The following PLD2 variants were observed in gnomAD, a reference collection of about 807,000 sequenced individuals.
The protein encoded by PLD2 is phospholipase D2.
A neutral mutation model predicts 119.8 loss-of-function variants in PLD2; 101 were observed. The ratio of observed to expected loss-of-function variants is 0.84; its 90% CI spans 0.72 to 0.99. PLD2 has a LOEUF of 0.99. Ranked by LOEUF, PLD2 falls within the 50% of genes least tolerant of loss-of-function variation. The pLI, the probability that PLD2 is intolerant of heterozygous loss-of-function variation, is 0.00. For synonymous variants in PLD2, 494 were observed against 482.8 expected (o/e 1.02, Z -0.30); for missense variants, 1,164 against 1,226.8 (o/e 0.95, Z 0.76).
intron 10 of PLD2, among the ~76,000 whole-genome samples, chr17:4,813,547 G>T (rs1906674676): frequency 6.6e-6 from 1 of 152,162 alleles, no homozygotes; most frequent in Admixed American, 6.5e-5. Context: ...TGATATTAAA[G>T]GGTATATGCA....
rs908320553 is a variant in PLD2, at chr17:4,819,084, T to G, written c.2174T>G (p.Met725Arg). ...YSILHRLKAAMGTAWRDYISI... is the reference protein window; with the variant it reads ...YSILHRLKAARGTAWRDYISI... ...CCTCACTTCCCCTCCTGTCACGCAG[T>G]GGGGACAGCATGGCGGGACTATATT... Residue 725 changes from methionine (M) to arginine (R), a missense_variant and splice_region_variant, in exon 22 of 25, where the codon ATG becomes AGG. Coordinates refer to ENST00000263088, the MANE Select transcript of PLD2 (RefSeq NM_002663.5). This position sits in a 1 kb window ranked among gnomAD's most constrained non-coding sequence, Gnocchi z 4.2. 8.7e-6 allele frequency: 14 copies of G among 1,614,008 alleles called. No individual in the cohort carries two copies. Among genetic ancestry groups the G allele is most frequent in the Non-Finnish European group, 1.1e-5 (13 of 1,179,950 alleles).
intron 10 of PLD2, chr17:4,814,185 A>T: frequency 2.0e-6 from 1 of 503,658 alleles, no homozygotes; most frequent in Non-Finnish European, 3.4e-6. Context: ...TGATGTATTA[A>T]TCCTCCTGTT....
intron 20 of PLD2, 40 bp from the exon 21 acceptor site, chr17:4,818,734 C>CTG: frequency 6.2e-7 from 1 of 1,612,974 alleles, no homozygotes; most frequent in Non-Finnish European, 8.5e-7. Context: ...CCCCTCCCCT[C>CTG]TGCCAGCCTC....
chr17:4,812,803 A>G (rs1222160394), intron 10 of PLD2, among the ~76,000 whole-genome samples: 1 of 152,178 alleles, frequency 6.6e-6, no homozygotes, highest in African/African-American at 2.4e-5. Flanking sequence ...GATAAAGAAA[A>G]TGCAGAACAG....
rs746120233 is a variant in PLD2 at position 4,808,376 on chromosome 17, C to T, written c.343C>T (p.Leu115=). 7.4e-6 allele frequency: 12 copies of T among 1,613,982 alleles called. No homozygotes were observed. The highest frequency in any genetic ancestry group is 1.7e-5 in the Admixed American group (1 of 59,996). ...RHFQELHRDL[L]RHKVLMSLLP... Reference sequence around the variant, plus strand: ...TTTTCAGGAGCTGCATCGGGACCTCCTGAGACACAAAGTCTTGATGAGTCT... The same window carrying T: ...TTTTCAGGAGCTGCATCGGGACCTCTTGAGACACAAAGTCTTGATGAGTCT... Residue 115 remains leucine (L), a synonymous_variant, in exon 4 of 25, where the codon CTG becomes TTG. Coordinates refer to ENST00000263088, the MANE Select transcript of PLD2 (RefSeq NM_002663.5). This position sits in a 1 kb window ranked among gnomAD's most constrained non-coding sequence, Gnocchi z 4.1.
intron 7 of PLD2, 25 bp downstream of exon 7, chr17:4,809,576 A>C (rs1210733360): frequency 6.2e-7 from 1 of 1,604,804 alleles, no homozygotes; most frequent in African/African-American, 1.3e-5. Flanking sequence ...CCCTTCACCC[A>C]GGCATCCGTA....
chr17:4,810,136 C>T (rs1906310694), intron 9 of PLD2, 107 bp downstream of exon 9: 7 of 1,138,036 alleles, frequency 6.2e-6, no homozygotes, highest in Non-Finnish European at 8.8e-6. Flanking sequence ...GCTTTTCCAC[C>T]TCCCTGGATC....
Position 4,808,462 on chromosome 17 carries a change from C to T in PLD2, c.383+46C>T, listed in dbSNP as rs780405163. 1.9e-6 allele frequency: 3 copies of T among 1,588,902 alleles called. No homozygotes were observed. The East Asian group carries it at 6.7e-5, about 36-fold the overall frequency. On this transcript the variant is annotated intron_variant, in intron 4 of 24. Coordinates refer to ENST00000263088, the MANE Select transcript of PLD2 (RefSeq NM_002663.5). This position sits in a 1 kb window ranked among gnomAD's most constrained non-coding sequence, Gnocchi z 4.1. ...TCCTGTAGAGGGCAGGTGCTCCCCA[C>T]CCTCCTTTCTGTCTGTCTCACCCCG... is the stretch of plus-strand genomic sequence containing the variant.
At chr17:4,812,853 A>C (rs1906614150) in intron 10 of PLD2, among the ~76,000 whole-genome samples, 1 of 152,176 alleles carries the variant, frequency 6.6e-6, no homozygotes, top group African/African-American at 2.4e-5. Flanking sequence ...GGTGTTTGGG[A>C]ACCACCAGGA....
At chr17:4,812,668 G>A (rs1410582378) in intron 10 of PLD2, among the ~76,000 whole-genome samples, 1 of 152,120 alleles carries the variant, frequency 6.6e-6, no homozygotes, top group Non-Finnish European at 1.5e-5. Context: ...CAGGGTATGG[G>A]GAAATGATTG....
In PLD2 at chr17:4,807,644, TC is replaced by T. The variant is rs1905997242; in HGVS notation, c.-1-126del. The T allele has an allele frequency of 4.9e-6, 3 of 614,360 alleles. No homozygotes were observed. In the Admixed American group the frequency reaches 8.2e-5, roughly 17 times the overall value. 38.1% of individuals were successfully genotyped at this position (614,360 alleles called of 1,614,324 possible). Reference sequence around the variant, plus strand: ...GGCGTTGCAAACTGGTCAGGCGTCATCCGCGGGCGGTCAGGAGGCCGTGGGG... The same window carrying T: ...GGCGTTGCAAACTGGTCAGGCGTCATCGCGGGCGGTCAGGAGGCCGTGGGG... On this transcript the variant is annotated intron_variant, in intron 1 of 24. Transcript: ENST00000263088. The surrounding 1 kb of genome is among the most constrained non-coding windows in gnomAD (Gnocchi z 5.4).
At chr17:4,822,563 G>C in intron 24 of PLD2, 77 bp from the exon 25 acceptor site, 1 of 944,068 alleles carries the variant, frequency 1.1e-6, no homozygotes, top group Non-Finnish European at 1.6e-6. Context: ...TATGGGGGAA[G>C]GGGTCTAGCC....
At position 4,807,602 on chromosome 17, in the gene PLD2, C is replaced by A; in HGVS notation, c.-1-170C>A. 1 of 546,882 alleles carries A rather than the reference C, an allele frequency of 1.8e-6. No homozygotes were observed. The highest frequency in any genetic ancestry group is 3.3e-6 in the Non-Finnish European group (1 of 302,154). The allele number at this position is 546,882 out of a possible 1,614,324, so 33.9% of individuals were successfully genotyped here. A position where few individuals can be genotyped will look rare whatever the true frequency, so the allele number is the denominator to read the frequency against. On this transcript the variant is annotated intron_variant, in intron 1 of 24. Transcript: ENST00000263088. The surrounding 1 kb of genome is among the most constrained non-coding windows in gnomAD (Gnocchi z 5.4). Reference sequence around the variant, plus strand: ...GAAGGACTAAGGTAGGGGATGGGGGCTCGAAGGGGTCGGTGGGGCGTTGCA... The same window carrying A: ...GAAGGACTAAGGTAGGGGATGGGGGATCGAAGGGGTCGGTGGGGCGTTGCA...
intron 6 of PLD2, 50 bp downstream of exon 6, chr17:4,809,413 C>G: frequency 6.2e-7 from 1 of 1,611,778 alleles, no homozygotes; most frequent in African/African-American, 1.3e-5. Context: ...ATCAGACCCT[C>G]GGGGAGGAGG....
intron 10 of PLD2, among the ~76,000 whole-genome samples, chr17:4,813,734 C>T (rs1478389007): frequency 6.6e-6 from 1 of 152,160 alleles, no homozygotes; most frequent in Non-Finnish European, 1.5e-5. Context: ...TGGCGGGCGC[C>T]TGTAATTTCA....
At chr17:4,820,481 T>C (rs542924271) in intron 23 of PLD2, among the ~76,000 whole-genome samples, 10 of 148,506 alleles carry the variant, frequency 6.7e-5, no homozygotes, top group African/African-American at 2.5e-4. Flanking sequence ...TTGGCCAGGC[T>C]GATCTTGAAC....
At position 4,821,908 on chromosome 17, in the gene PLD2, G is replaced by T. The variant is rs1441219206; in HGVS notation, c.2577+1G>T. ...GAGCAACGCCAATATCTATGAGCAG[G>T]TGGGAACTTGGGAGGGGTGGGGGAG... On this transcript the variant is annotated splice_donor_variant, in intron 24 of 24. Coordinates refer to ENST00000263088, the MANE Select transcript of PLD2 (RefSeq NM_002663.5). LOFTEE classifies it high-confidence loss of function. 6.2e-7 allele frequency: 1 copy of T among 1,605,314 alleles called. No individual in the cohort carries two copies. The highest frequency in any genetic ancestry group is 1.3e-5 in the African/African-American group (1 of 74,704).
chr17:4,818,929 T>G, intron 21 of PLD2, 106 bp downstream of exon 21: 1 of 1,485,940 alleles, frequency 6.7e-7, no homozygotes, highest in Non-Finnish European at 9.2e-7. Flanking sequence ...CCTGTGAGCC[T>G]CTGACGCTAC....
At position 4,818,510 on chromosome 17, in the gene PLD2, C is replaced by G. The variant is rs761395374; in HGVS notation, c.2026C>G (p.Arg676Gly). 3.1e-6 allele frequency: 5 copies of G among 1,613,548 alleles called. No homozygotes were observed. The highest frequency in any genetic ancestry group is 3.3e-5 in the Admixed American group (2 of 59,980). The change falls in exon 20 of 25, where the codon CGA becomes GGA. Residue 676 changes from arginine (R) to glycine (G), a missense_variant. Transcript: ENST00000263088. Reference protein sequence around the residue: ...LKAHKQGWCYRVYVLLPLLPG... With the variant: ...LKAHKQGWCYGVYVLLPLLPG... ...CCTCCCCAGACAGGGGTGGTGTTAC[C>G]GAGTCTACGTGCTTTTGCCCTTACT... is the stretch of plus-strand genomic sequence containing the variant.
Sources: allele counts gnomAD v4.1 joint callset (sites outside exome capture counted in the v4.1 genomes callset), GRCh38; gene constraint gnomAD v4.1.1; non-coding constraint Gnocchi (gnomAD v3.1); transcripts MANE v1.5; gene names NCBI Gene and HGNC (gene_info 2026-07-23, HGNC 2026-07-21).